RARB: variants seen among roughly 807,000 people sequenced by gnomAD.
The protein encoded by RARB is retinoic acid receptor beta, also known as HBV-activated protein.
RARB carries 17 observed loss-of-function variants against 51.9 expected under a neutral mutation model. That is an observed-to-expected ratio of 0.33 (90% CI 0.22 to 0.49). RARB has a LOEUF of 0.49. RARB is among the 20% of genes least tolerant of loss of function. The pLI is 0.99. For synonymous variants in RARB, 215 were observed against 195.4 expected (o/e 1.10, Z -0.84); for missense variants, 369 against 550.8 (o/e 0.67, Z 3.30).
intron 5 of RARB, among the ~76,000 whole-genome samples, chr3:25,392,886 C>T (rs1337464716): frequency 2.6e-5 from 4 of 152,080 alleles, no homozygotes; most frequent in African/African-American, 9.7e-5. Flanking sequence ...TTATTTCTTT[C>T]TCTTGTCTGA....
chr3:24,917,806 C>G (rs550735553), intron 2 of RARB, among the ~76,000 whole-genome samples: 5 of 152,156 alleles, frequency 3.3e-5, no homozygotes, highest in Non-Finnish European at 5.9e-5. Flanking sequence ...GGCTTACAGG[C>G]GTGAGCCACA....
chr3:25,411,774 C>T (rs1185002762), intron 5 of RARB, among the ~76,000 whole-genome samples: 3 of 152,184 alleles, frequency 2.0e-5, no homozygotes, highest in Admixed American at 2.0e-4. Context: ...GGACAATTTC[C>T]TGGCTGGAAA....
chr3:25,156,041 A>G (rs1478128651), intron 4 of RARB, among the ~76,000 whole-genome samples: 1 of 151,646 alleles, frequency 6.6e-6, no homozygotes, highest in African/African-American at 2.4e-5. Context: ...TTGCCTGGCA[A>G]TTTTTCGACT....
intron 3 of RARB, among the ~76,000 whole-genome samples, chr3:25,111,700 T>C: frequency 6.9e-6 from 1 of 144,832 alleles, no homozygotes; most frequent in Non-Finnish European, 1.5e-5. Context: ...TGCCTCAGCC[T>C]CCCGAGTAGC....
Position 25,142,454 on chromosome 3 carries a change from C to T in RARB, c.-280+10246C>T, listed in dbSNP as rs549180367. On this transcript the variant is annotated intron_variant, in intron 4 of 11. Transcript: ENST00000383772. ...CCTATGAAAGTTTGAGAAGTCCTGC[C>T]GGATACCTTTATAAGCTACACCCTA... Among the ~76,000 whole-genome samples the T allele has an allele frequency of 9.2e-5, 14 of 152,296 alleles. 1 individual carries two copies. Among genetic ancestry groups the T allele is most frequent in the South Asian group, 4.1e-4 (2 of 4,826 alleles).
chr3:25,338,041 A>T (rs74627420), intron 5 of RARB, among the ~76,000 whole-genome samples: 8 of 150,818 alleles, frequency 5.3e-5, no homozygotes, highest in Middle Eastern at 3.4e-3. Context: ...TTTCACAATA[A>T]AATCACCGTT....
At chr3:24,937,126 C>T (rs1695562892) in intron 2 of RARB, among the ~76,000 whole-genome samples, 1 of 152,154 alleles carries the variant, frequency 6.6e-6, no homozygotes, top group African/African-American at 2.4e-5. Context: ...TCATATAAGG[C>T]ATGTCCTAGT....
At chr3:24,899,534 A>G (rs749841860) in intron 2 of RARB, among the ~76,000 whole-genome samples, 1 of 152,130 alleles carries the variant, frequency 6.6e-6, no homozygotes, top group Non-Finnish European at 1.5e-5. Context: ...CTCTCCCTCA[A>G]TGGGGACAAA....
chr3:25,475,279 TC>T (rs1190016473), intron 2 of RARB, among the ~76,000 whole-genome samples: 1 of 152,104 alleles, frequency 6.6e-6, no homozygotes, highest in Non-Finnish European at 1.5e-5. Context: ...ATATTTCTGT[TC>T]TCCACTACGT....
At chr3:25,148,195 T>C (rs942178503) in intron 4 of RARB, among the ~76,000 whole-genome samples, 3 of 152,172 alleles carry the variant, frequency 2.0e-5, no homozygotes, top group African/African-American at 7.2e-5. Flanking sequence ...CCCCAACATA[T>C]TGATGTAAGC....
chr3:25,126,312 G>A lies in RARB; in HGVS notation c.-327-5849G>A, dbSNP rs568805593. 9.5e-4 allele frequency among the ~76,000 whole-genome samples: 144 copies of A among 152,164 alleles called. 1 individual carries two copies. Among genetic ancestry groups the A allele is most frequent in the African/African-American group, 3.3e-3 (136 of 41,530 alleles). ...TTTGTGCAGATTTCCATTCTCTTGT[G>A]TGCAATTACTAAAATAATGGGAAAG... is the stretch of plus-strand genomic sequence containing the variant. On this transcript the variant is annotated intron_variant, in intron 3 of 11. Transcript: ENST00000383772.
At chr3:24,969,212 AATCT>A (rs1376502931) in intron 2 of RARB, among the ~76,000 whole-genome samples, 14 of 152,020 alleles carry the variant, frequency 9.2e-5, no homozygotes, top group Middle Eastern at 3.2e-3. Flanking sequence ...TTTCCCTCTC[AATCT>A]AAATTTTCTT....
intron 4 of RARB, among the ~76,000 whole-genome samples, chr3:25,157,423 A>C (rs1700397095): frequency 6.8e-6 from 1 of 148,000 alleles, no homozygotes; most frequent in Non-Finnish European, 1.5e-5. Flanking sequence ...TTTTTTTTTG[A>C]GACAGTGTCT....
Position 25,396,928 on chromosome 3 carries a change from T to C in RARB, c.179-64265T>C, listed in dbSNP as rs138549874. Among the ~76,000 whole-genome samples, 404 of 152,234 alleles carry C rather than the reference T, an allele frequency of 2.7e-3. 2 individuals carry two copies. Among genetic ancestry groups the C allele is most frequent in the African/African-American group, 9.2e-3 (384 of 41,532 alleles). ...TGTATATCTAGGCAACCAGTGAGTA[T>C]GGCTGAGATCTTGCCCCAGGCTACA... On this transcript the variant is annotated intron_variant, in intron 5 of 11. Transcript: ENST00000383772.
intron 5 of RARB, among the ~76,000 whole-genome samples, chr3:25,278,424 C>T (rs1394593492): frequency 1.3e-5 from 2 of 152,312 alleles, no homozygotes; most frequent in South Asian, 2.1e-4. Flanking sequence ...TCTCTAGCCA[C>T]TTTCAGGCCT....
intron 1 of RARB, among the ~76,000 whole-genome samples, chr3:24,851,881 C>T (rs958939190): frequency 2.0e-4 from 30 of 152,218 alleles, no homozygotes; most frequent in Non-Finnish European, 3.7e-4. Context: ...AATCTATAAT[C>T]ATCAGAAAGA....
intron 3 of RARB, among the ~76,000 whole-genome samples, chr3:25,095,242 G>A (rs188321725): frequency 1.2e-3 from 187 of 152,310 alleles, no homozygotes; most frequent in Non-Finnish European, 2.3e-3. Context: ...AAGCTCTTCA[G>A]GTGATACTGA....
chr3:25,264,053 A>C (rs1483765451), intron 5 of RARB, among the ~76,000 whole-genome samples: 5 of 152,114 alleles, frequency 3.3e-5, no homozygotes, highest in Non-Finnish European at 5.9e-5. Flanking sequence ...TCATATCAGC[A>C]GTTCAATTAG....
At chr3:25,308,792 T>A (rs945343574) in intron 5 of RARB, among the ~76,000 whole-genome samples, 11 of 152,180 alleles carry the variant, frequency 7.2e-5, no homozygotes, top group African/African-American at 2.7e-4. Flanking sequence ...CAATTTACTT[T>A]TTTTGTTCCT....
Sources: gnomAD v4.1 joint callset for allele counts (sites outside exome capture counted in the v4.1 genomes callset) on GRCh38, gnomAD v4.1.1 for gene constraint, MANE v1.5 for transcripts, NCBI Gene and HGNC (gene_info 2026-07-23, HGNC 2026-07-21) for gene names.